Variants in BPTF observed in about 807,000 individuals in gnomAD.
BPTF encodes nucleosome-remodeling factor subunit BPTF.
Under a neutral mutation model 292.5 loss-of-function variants are expected in BPTF, and 18 were observed. That is an observed-to-expected ratio of 0.06 (90% confidence interval 0.04 to 0.09). The LOEUF (loss-of-function observed/expected upper bound fraction) is 0.09, where lower values mean the gene tolerates loss of function less well. Ranked by LOEUF, BPTF falls within the 10% of genes least tolerant of loss-of-function variation. The pLI, the probability that BPTF is intolerant of heterozygous loss-of-function variation, is 1.00. For missense variants in BPTF, 2,726 were observed against 3,498.7 expected, an observed-to-expected ratio of 0.78 and a Z score of 5.57; for synonymous variants, 1,225 against 1,251.9, an observed-to-expected ratio of 0.98 and a Z score of 0.45.
At position 67,876,168 on chromosome 17, in the gene BPTF, T is replaced by C. The variant is rs375440648; in HGVS notation, c.1864+1148T>C. ...TATAGCATTTCAAACCGTAGTATTA[T>C]GGTAGAAAATCATTATCACAGAACA... On this transcript the variant is annotated intron_variant, in intron 4 of 27. Transcript: ENST00000306378. Among the ~76,000 whole-genome samples the C allele has an allele frequency of 3.9e-4, 59 of 152,354 alleles. 1 individual carries two copies. In the Middle Eastern group the frequency reaches 0.01, roughly 26 times the overall value.
chr17:67,829,785 G>C (rs1286959139), intron 1 of BPTF, among the ~76,000 whole-genome samples: 1 of 152,128 alleles, frequency 6.6e-6, no homozygotes, highest in Non-Finnish European at 1.5e-5. Flanking sequence ...AATTTTTATA[G>C]TTTACAGGGT....
chr17:67,829,595 T>A (rs1253010995), intron 1 of BPTF, among the ~76,000 whole-genome samples: 1 of 152,082 alleles, frequency 6.6e-6, no homozygotes, highest in South Asian at 2.1e-4. Flanking sequence ...GGTTTTTTAG[T>A]CTGTACTTCC....
chr17:67,864,866 G>A (rs938278062), intron 2 of BPTF, among the ~76,000 whole-genome samples: 16 of 151,676 alleles, frequency 1.1e-4, no homozygotes, highest in Admixed American at 8.5e-4. Flanking sequence ...GTGAACTGGC[G>A]CGAACTCGGC....
At chr17:67,952,721 C>T (rs2066495335) in intron 23 of BPTF, among the ~76,000 whole-genome samples, 1 of 152,064 alleles carries the variant, frequency 6.6e-6, no homozygotes, top group Non-Finnish European at 1.5e-5. Context: ...AACGAAAGTC[C>T]ATAGTTTACA....
intron 4 of BPTF, among the ~76,000 whole-genome samples, chr17:67,882,865 G>C (rs2074437578): frequency 6.6e-6 from 1 of 152,108 alleles, no homozygotes; most frequent in African/African-American, 2.4e-5. Flanking sequence ...GGGCGTGGTG[G>C]TGCTTGCCTG....
In BPTF at chr17:67,912,823, A is replaced by G; in HGVS notation, c.4939A>G (p.Ile1647Val). The change falls in exon 11 of 28, where the codon ATC becomes GTC. Residue 1647 changes from isoleucine to valine, a missense_variant. Ile to Val is a conservative substitution (Grantham distance 29). Coordinates refer to ENST00000306378, the MANE Select transcript of BPTF (RefSeq NM_182641.4). Reference sequence around the variant, plus strand: ...CTCCACAGGCGGCAGTGTGGACATCATCTCTGTAAAGGAGCAGAGCAAAAC... The same window carrying G: ...CTCCACAGGCGGCAGTGTGGACATCGTCTCTGTAAAGGAGCAGAGCAAAAC... ...TPSTGGSVDIISVKEQSKTVV... is the reference protein window; with the variant it reads ...TPSTGGSVDIVSVKEQSKTVV... The G allele has an allele frequency of 6.2e-7, 1 of 1,614,172 alleles. No individual in the cohort carries two copies. Among genetic ancestry groups the G allele is most frequent in the Admixed American group, 1.7e-5 (1 of 60,012 alleles).
rs561250627 is a variant in BPTF, at chr17:67,905,555, A to T, written c.2812+715A>T. 4.5e-4 allele frequency among the ~76,000 whole-genome samples: 68 copies of T among 152,164 alleles called. 1 individual carries two copies. The highest frequency in any genetic ancestry group is 1.5e-3 in the African/African-American group (63 of 41,512). ...GACCCCATCTCTACAAAAACGTTTT[A>T]AAAATTAGCCAGGTGTAGTGCCACA... On this transcript the variant is annotated intron_variant, in intron 9 of 27. Transcript: ENST00000306378.
chr17:67,874,457 G>A (rs2059936163), intron 3 of BPTF, among the ~76,000 whole-genome samples: 1 of 152,116 alleles, frequency 6.6e-6, no homozygotes, highest in African/African-American at 2.4e-5. Flanking sequence ...TCACTGCAGT[G>A]TGCTGCCCAG....
Position 67,946,292 on chromosome 17 carries a change from A to T in BPTF, c.7584A>T (p.Gln2528His). Reference protein sequence around the residue: ...QIEIKREHTLQASNQSEIIQK... With the variant: ...QIEIKREHTLHASNQSEIIQK... ...AAATTAAGCGTGAACACACCCTCCA[A>T]GCTTCTAATCAAAGTGAAATCATTC... The change falls in exon 21 of 28, where the codon CAA becomes CAT. Residue 2528 changes from glutamine to histidine, a missense_variant. This residue lies in a region of BPTF where 570 missense variants were observed against 633.5 expected (regional missense o/e 0.90). Coordinates refer to ENST00000306378, the MANE Select transcript of BPTF (RefSeq NM_182641.4). 2 of 1,614,034 alleles carry T rather than the reference A, an allele frequency of 1.2e-6. No homozygotes were observed. The highest frequency in any genetic ancestry group is 1.1e-5 in the South Asian group (1 of 91,084).
At chr17:67,868,146 C>G (rs1037148150) in intron 3 of BPTF, among the ~76,000 whole-genome samples, 1 of 151,996 alleles carries the variant, frequency 6.6e-6, no homozygotes, top group African/African-American at 2.4e-5. Context: ...TATTTTGTTA[C>G]TCAACTCTTT....
intron 2 of BPTF, among the ~76,000 whole-genome samples, chr17:67,856,309 C>T (rs548956658): frequency 6.6e-6 from 1 of 151,874 alleles, no homozygotes; most frequent in African/African-American, 2.4e-5. Context: ...TAGAATCTTC[C>T]TTTAAAAAAA....
intron 4 of BPTF, among the ~76,000 whole-genome samples, chr17:67,878,581 G>A (rs1270330492): frequency 6.6e-6 from 1 of 152,108 alleles, no homozygotes; most frequent in Non-Finnish European, 1.5e-5. Flanking sequence ...TCTTTTTGGA[G>A]GACTGAGGGG....
chr17:67,882,221 A>G (rs2060471993), intron 4 of BPTF, among the ~76,000 whole-genome samples: 1 of 151,868 alleles, frequency 6.6e-6, no homozygotes, highest in South Asian at 2.1e-4. Context: ...TTTTTCCTCC[A>G]AGAAGTCCTG....
chr17:67,933,209 G>C (rs186041721), intron 18 of BPTF, among the ~76,000 whole-genome samples: 7 of 151,334 alleles, frequency 4.6e-5, no homozygotes, highest in African/African-American at 1.5e-4. Context: ...AGTGAGCCGA[G>C]ATTGTGCCAC....
intron 4 of BPTF, among the ~76,000 whole-genome samples, chr17:67,889,934 C>T (rs1335077233): frequency 6.6e-6 from 1 of 152,166 alleles, no homozygotes; most frequent in Non-Finnish European, 1.5e-5. Flanking sequence ...ATGCTCAGTA[C>T]CCTCTCTCCA....
At chr17:67,920,549 G>GGT (rs1206351010) in intron 13 of BPTF, among the ~76,000 whole-genome samples, 1 of 152,146 alleles carries the variant, frequency 6.6e-6, no homozygotes, top group Non-Finnish European at 1.5e-5. Flanking sequence ...CAGTGCTCAA[G>GGT]GTAGAGATAA....
At chr17:67,980,280 G>A (rs1239932442) in intron 27 of BPTF, among the ~76,000 whole-genome samples, 2 of 152,138 alleles carry the variant, frequency 1.3e-5, no homozygotes, top group African/African-American at 4.8e-5. Context: ...GGGAGGAGGA[G>A]GTTGCAGTGA....
In BPTF at chr17:67,934,565, T is replaced by G. The variant is rs1288851784; in HGVS notation, c.6259+2546T>G. Among the ~76,000 whole-genome samples the G allele has an allele frequency of 6.6e-5, 10 of 151,384 alleles. No individual in the cohort carries two copies. The East Asian group carries it at 1.9e-3, about 29-fold the overall frequency. On this transcript the variant is annotated intron_variant, in intron 18 of 27. Transcript: ENST00000306378. Reference sequence around the variant, plus strand: ...AAGATATTAGATATTATACTAATAATCTTAACTTGCTTAGAAGTATGTGAG... The same window carrying G: ...AAGATATTAGATATTATACTAATAAGCTTAACTTGCTTAGAAGTATGTGAG...
In BPTF at chr17:67,874,985, C is replaced by T. The variant is rs1277727083; in HGVS notation, c.1829C>T (p.Thr610Ile). 1.2e-6 allele frequency: 2 copies of T among 1,613,628 alleles called. No individual in the cohort carries two copies. Among genetic ancestry groups the T allele is most frequent in the Admixed American group, 1.7e-5 (1 of 59,990 alleles). Residue 610 changes from threonine to isoleucine, a missense_variant, in exon 4 of 28, where the codon ACA becomes ATA. Physicochemically the swap from Thr to Ile is moderately conservative, Grantham distance 89. Coordinates refer to ENST00000306378, the MANE Select transcript of BPTF (RefSeq NM_182641.4). ...QSLEKDSDDK[T>I]PDDDPEQGKS... ...CTTGAAAAAGACAGTGACGACAAAA[C>T]ACCAGATGATGACCCTGAGCAAGGA...
Sources: allele counts gnomAD v4.1 joint callset (sites outside exome capture counted in the v4.1 genomes callset), GRCh38; gene constraint gnomAD v4.1.1; regional missense constraint gnomAD v4.1.1; transcripts MANE v1.5; gene names NCBI Gene and HGNC (gene_info 2026-07-23, HGNC 2026-07-21).